Variants in PRKACB observed in about 807,000 individuals in gnomAD.
PRKACB encodes cAMP-dependent protein kinase catalytic subunit beta.
Under a neutral mutation model 51.4 loss-of-function variants are expected in PRKACB, and 16 were observed. The observed-to-expected ratio is 0.31, with a 90% CI of 0.21 to 0.47. PRKACB has a LOEUF of 0.47. Ranked by LOEUF, PRKACB falls within the 20% of genes least tolerant of loss-of-function variation. The pLI, the probability that PRKACB is intolerant of heterozygous loss-of-function variation, is 1.00. For missense variants in PRKACB, 309 were observed against 464.5 expected, an observed-to-expected ratio of 0.67 and a Z score of 3.08; for synonymous variants, 147 against 154.4, an observed-to-expected ratio of 0.95 and a Z score of 0.35.
rs553468620 is a variant in PRKACB at position 84,189,457 on chromosome 1, G to GA, written c.560+4289dup. ...ATCAGGCCATAACAAAGTTCAAACT[G>GA]AAAAAAAAAAAAAAGTTCTAGGAGT... On this transcript the variant is annotated intron_variant, in intron 5 of 9. Transcript: ENST00000370685. Among the ~76,000 whole-genome samples, 651 of 125,864 alleles carry GA rather than the reference G, an allele frequency of 5.2e-3. 3 individuals carry two copies. Among genetic ancestry groups the GA allele is most frequent in the African/African-American group, 0.015 (522 of 34,686 alleles). The allele number at this position is 125,864 out of a possible 152,430, so 82.6% of individuals were successfully genotyped here.
chr1:84,104,805 A>G (rs543154611), intron 1 of PRKACB, among the ~76,000 whole-genome samples: 2 of 152,210 alleles, frequency 1.3e-5, no homozygotes, highest in South Asian at 4.1e-4. Flanking sequence ...CTTTCCAGAG[A>G]GCCCTCTGGA....
At chr1:84,133,051 TAAAG>T (rs1652408229) in intron 1 of PRKACB, among the ~76,000 whole-genome samples, 1 of 152,048 alleles carries the variant, frequency 6.6e-6, no homozygotes. Context: ...GAATGAATGA[TAAAG>T]TAAGTAAACC....
At chr1:84,096,131 T>C (rs977479877) in intron 1 of PRKACB, among the ~76,000 whole-genome samples, 5 of 152,046 alleles carry the variant, frequency 3.3e-5, no homozygotes, top group Non-Finnish European at 7.4e-5. Flanking sequence ...TTGGCTGTTC[T>C]CAGTCTTTGT....
At chr1:84,165,714 G>GT (rs1657218712) in intron 1 of PRKACB, among the ~76,000 whole-genome samples, 1 of 151,674 alleles carries the variant, frequency 6.6e-6, no homozygotes, top group Non-Finnish European at 1.5e-5. Flanking sequence ...ATGTACTGCA[G>GT]TTTATCATAG....
intron 1 of PRKACB, among the ~76,000 whole-genome samples, chr1:84,126,445 C>T (rs1157361570): frequency 6.6e-6 from 1 of 152,184 alleles, no homozygotes; most frequent in Non-Finnish European, 1.5e-5. Context: ...AGCTGTTCCT[C>T]TGAAGTCAAG....
intron 8 of PRKACB, among the ~76,000 whole-genome samples, chr1:84,213,724 G>T (rs1672468860): frequency 1.3e-5 from 2 of 152,140 alleles, no homozygotes; most frequent in African/African-American, 4.8e-5. Flanking sequence ...TTTTCAAAAT[G>T]TACATACTGA....
chr1:84,234,277 A>G (rs1306865218), intron 9 of PRKACB, among the ~76,000 whole-genome samples: 5 of 152,208 alleles, frequency 3.3e-5, no homozygotes, highest in African/African-American at 1.2e-4. Flanking sequence ...CCGTTCTCAG[A>G]TCTCCAGCTG....
chr1:84,144,162 C>A, upstream of PRKACB: 8 of 1,075,786 alleles, frequency 7.4e-6, 1 homozygote, highest in Non-Finnish European at 9.9e-6. Flanking sequence ...ATCCTCAACT[C>A]TAGCTGAAAA....
At chr1:84,084,471 A>C (rs186754682) in intron 1 of PRKACB, among the ~76,000 whole-genome samples, 110 of 152,274 alleles carry the variant, frequency 7.2e-4, no homozygotes, top group Admixed American at 6.5e-3. Flanking sequence ...ATTTGGGTTT[A>C]AAAGAGGTTA....
intron 1 of PRKACB, among the ~76,000 whole-genome samples, chr1:84,159,743 A>G (rs1655956771): frequency 6.6e-6 from 1 of 152,000 alleles, no homozygotes; most frequent in South Asian, 2.1e-4. Flanking sequence ...CATGTCCTTT[A>G]TCAGTTTGAG....
chr1:84,234,183 T>A (rs1260867252), intron 9 of PRKACB, among the ~76,000 whole-genome samples: 1 of 152,220 alleles, frequency 6.6e-6, no homozygotes, highest in African/African-American at 2.4e-5. Flanking sequence ...CTATGAGGTG[T>A]CAGTGTTCCC....
At chr1:84,162,763 T>TA (rs1389237130) in intron 1 of PRKACB, among the ~76,000 whole-genome samples, 1 of 151,904 alleles carries the variant, frequency 6.6e-6, no homozygotes, top group Non-Finnish European at 1.5e-5. Flanking sequence ...TTAAAGTCTT[T>TA]AAAGCCTTTG....
In PRKACB at chr1:84,208,402, G is replaced by A. The variant is rs561856630; in HGVS notation, c.906+5597G>A. 1.6e-4 allele frequency among the ~76,000 whole-genome samples: 25 copies of A among 152,254 alleles called. No individual in the cohort carries two copies. In the South Asian group the frequency reaches 4.4e-3, roughly 27 times the overall value. On this transcript the variant is annotated intron_variant, in intron 8 of 9. Transcript: ENST00000370685. ...ATAATGTAATTTGACAGTAGTTTAG[G>A]ATATCAGCCATATTGACAATGGTGT... is the stretch of plus-strand genomic sequence containing the variant.
chr1:84,210,723 A>G (rs185222164), intron 8 of PRKACB, among the ~76,000 whole-genome samples: 6 of 152,308 alleles, frequency 3.9e-5, no homozygotes, highest in Non-Finnish European at 5.9e-5. Flanking sequence ...TCTTCCCATC[A>G]TAGAAATCTT....
chr1:84,094,724 A>C (rs1648795526), intron 1 of PRKACB, among the ~76,000 whole-genome samples: 1 of 151,996 alleles, frequency 6.6e-6, no homozygotes, highest in Admixed American at 6.6e-5. Context: ...ACACACATAC[A>C]CATACACACA....
At chr1:84,170,570 A>G (rs1659112221) in intron 1 of PRKACB, among the ~76,000 whole-genome samples, 1 of 151,706 alleles carries the variant, frequency 6.6e-6, no homozygotes, top group African/African-American at 2.4e-5. Context: ...ACAAAATCCT[A>G]TACTGGGACA....
chr1:84,149,901 T>C (rs960879643), intron 1 of PRKACB, among the ~76,000 whole-genome samples: 1 of 152,168 alleles, frequency 6.6e-6, no homozygotes, highest in Non-Finnish European at 1.5e-5. Context: ...TAATTATTTT[T>C]TCATAGATTA....
At chr1:84,120,337 C>G (rs762451061) in intron 1 of PRKACB, among the ~76,000 whole-genome samples, 10 of 151,948 alleles carry the variant, frequency 6.6e-5, no homozygotes. Context: ...TTAGTGTATT[C>G]GAAATTAGGA....
chr1:84,164,719 T>C lies in PRKACB; in HGVS notation c.188-14458T>C, dbSNP rs889854394. On this transcript the variant is annotated intron_variant, in intron 1 of 9. Transcript: ENST00000370685. Reference sequence around the variant, plus strand: ...GCCATTTTGAGTTGTTCTAGTGGTATATGAAGGAGGCTGGGATAACTAGCT... The same window carrying C: ...GCCATTTTGAGTTGTTCTAGTGGTACATGAAGGAGGCTGGGATAACTAGCT... The C allele has an allele frequency of 2.2e-6, 3 of 1,380,556 alleles. No individual in the cohort carries two copies. In the African/African-American group the frequency reaches 4.4e-5, roughly 20 times the overall value. 85.5% of individuals were successfully genotyped at this position (1,380,556 alleles called of 1,614,324 possible). A position where few individuals can be genotyped will look rare whatever the true frequency, so the allele number is the denominator to read the frequency against.
Sources: gnomAD v4.1 joint callset for allele counts (sites outside exome capture counted in the v4.1 genomes callset) on GRCh38, gnomAD v4.1.1 for gene constraint, MANE v1.5 for transcripts, NCBI Gene and HGNC (gene_info 2026-07-23, HGNC 2026-07-21) for gene names.